Variants in SLC15A2 observed in about 807,000 individuals in gnomAD.
SLC15A2 encodes the protein solute carrier family 15 member 2.
A neutral mutation model predicts 95.5 loss-of-function variants in SLC15A2; 77 were observed. That is an observed-to-expected ratio of 0.81 (90% CI 0.67 to 0.97). The LOEUF is 0.97. SLC15A2 is among the 50% of genes least tolerant of loss of function. The probability of loss-of-function intolerance (pLI) is 0.00; values close to 1 mark genes in which losing one functional copy is unlikely to be tolerated. For missense variants in SLC15A2, 893 were observed against 874.4 expected (o/e 1.02, Z -0.27); for synonymous variants, 306 against 306.9 (o/e 1.00, Z 0.03).
Position 121,939,497 on chromosome 3 carries a change from T to A in SLC15A2, c.1908+2T>A. On this transcript the variant is annotated splice_donor_variant, in intron 20 of 21. Transcript: ENST00000489711. LOFTEE classifies it high-confidence loss of function. ...GGTCTTGAGTTTTCTTATTCTCAGG[T>A]AAGTTTTTGCAAATAGAAGGTAGAA... 6.7e-7 allele frequency: 1 copy of A among 1,491,668 alleles called. No individual in the cohort carries two copies. The highest frequency in any genetic ancestry group is 8.9e-7 in the Non-Finnish European group (1 of 1,119,826). The allele number at this position is 1,491,668 out of a possible 1,614,324, so 92.4% of individuals were successfully genotyped here. A position where few individuals can be genotyped will look rare whatever the true frequency, so the allele number is the denominator to read the frequency against.
chr3:121,906,894 C>T (rs1396521196), intron 3 of SLC15A2, among the ~76,000 whole-genome samples: 1 of 152,108 alleles, frequency 6.6e-6, no homozygotes, highest in Non-Finnish European at 1.5e-5. Flanking sequence ...TGAATGTTGG[C>T]CTGCCTTGCT....
intron 19 of SLC15A2, among the ~76,000 whole-genome samples, chr3:121,934,496 TTCC>T: frequency 6.6e-6 from 1 of 151,930 alleles, no homozygotes; most frequent in East Asian, 1.9e-4. Flanking sequence ...GTAAGTTGGA[TTCC>T]TAGGTATTTT....
At chr3:121,918,396 A>G (rs762541280) in intron 7 of SLC15A2, among the ~76,000 whole-genome samples, 3 of 152,192 alleles carry the variant, frequency 2.0e-5, no homozygotes, top group African/African-American at 7.2e-5. Flanking sequence ...TGCATTTTAT[A>G]TGTTCTTGGA....
chr3:121,927,887 C>A, intron 14 of SLC15A2, 48 bp downstream of exon 14: 2 of 1,392,588 alleles, frequency 1.4e-6, no homozygotes, highest in South Asian at 1.2e-5. Context: ...TCATATCTTT[C>A]TTATTTGCTC....
At chr3:121,919,675 G>T (rs1709967879) in intron 7 of SLC15A2, among the ~76,000 whole-genome samples, 1 of 152,198 alleles carries the variant, frequency 6.6e-6, no homozygotes, top group Non-Finnish European at 1.5e-5. Flanking sequence ...TGGCTTGAAG[G>T]TCGGGTTTCA....
At position 121,913,106 on chromosome 3, in the gene SLC15A2, T is replaced by C. The variant is rs1418850100; in HGVS notation, c.514T>C (p.Phe172Leu). 6.2e-7 allele frequency: 1 copy of C among 1,613,060 alleles called. No individual in the cohort carries two copies. The highest frequency in any genetic ancestry group is 1.3e-5 in the African/African-American group (1 of 74,884). The change falls in exon 5 of 22, where the codon TTT becomes CTT. Residue 172 changes from phenylalanine to leucine, a missense_variant. Coordinates refer to ENST00000489711, the MANE Select transcript of SLC15A2 (RefSeq NM_021082.4). Reference sequence around the variant, plus strand: ...TGTGGCAGCTTTTGGTGGAGACCAGTTTGAAGAAAAACATGTAAGAATCCT... The same window carrying C: ...TGTGGCAGCTTTTGGTGGAGACCAGCTTGAAGAAAAACATGTAAGAATCCT... ...PCVAAFGGDQ[F>L]EEKHAEERTR...
chr3:121,898,584 A>G (rs892006326), intron 3 of SLC15A2, among the ~76,000 whole-genome samples: 1 of 152,226 alleles, frequency 6.6e-6, no homozygotes, highest in African/African-American at 2.4e-5. Context: ...ATAAAATATA[A>G]TAAGTTATGT....
chr3:121,930,815 A>G (rs373594864), intron 17 of SLC15A2, 25 bp from the exon 18 acceptor site: 20 of 1,450,208 alleles, frequency 1.4e-5, no homozygotes, highest in Non-Finnish European at 1.7e-5. Flanking sequence ...TTTGTTTGAT[A>G]TGTAAATAAT....
chr3:121,939,493 C>G lies in SLC15A2; in HGVS notation c.1906C>G (p.Gln636Glu), dbSNP rs760804182. Residue 636 changes from glutamine (Q) to glutamate (E), a missense_variant and splice_region_variant, in exon 20 of 22, where the codon CAG (glutamine) becomes GAG (glutamate). Coordinates refer to ENST00000489711, the MANE Select transcript of SLC15A2 (RefSeq NM_021082.4). ...SVTGLEFSYS[Q>E]APSSMKSVLQ... is the part of the protein sequence containing the mutation. ...CACAGGTCTTGAGTTTTCTTATTCT[C>G]AGGTAAGTTTTTGCAAATAGAAGGT... 6 of 1,494,186 alleles carry G rather than the reference C, an allele frequency of 4.0e-6. No homozygotes were observed. In the African/African-American group the frequency reaches 8.6e-5, roughly 21 times the overall value. 92.6% of individuals were successfully genotyped at this position (1,494,186 alleles called of 1,614,324 possible).
chr3:121,936,651 T>C (rs1373774870), intron 19 of SLC15A2, among the ~76,000 whole-genome samples: 4 of 151,914 alleles, frequency 2.6e-5, no homozygotes, highest in Admixed American at 6.6e-5. Context: ...TTTGAGCCTA[T>C]GTGTGTCTCT....
intron 5 of SLC15A2, chr3:121,914,924 CATTAAT>C: frequency 1.2e-5 from 10 of 841,556 alleles, no homozygotes; most frequent in Non-Finnish European, 1.5e-5. Flanking sequence ...AATGCAAAGA[CATTAAT>C]ATTAGAATAG....
At chr3:121,897,630 T>A in intron 3 of SLC15A2, 101 bp downstream of exon 3, 1 of 1,177,682 alleles carries the variant, frequency 8.5e-7, no homozygotes, top group South Asian at 1.5e-5. Flanking sequence ...ACCTATGTCA[T>A]GCGTGAAAAA....
chr3:121,910,417 G>C (rs781461114), intron 3 of SLC15A2, among the ~76,000 whole-genome samples: 1 of 151,918 alleles, frequency 6.6e-6, no homozygotes, highest in African/African-American at 2.4e-5. Flanking sequence ...GGATGGTCTC[G>C]ATCTCCTGAC....
At chr3:121,931,595 C>T in intron 18 of SLC15A2, 44 bp from the exon 19 acceptor site, 1 of 1,322,210 alleles carries the variant, frequency 7.6e-7, no homozygotes, top group South Asian at 1.2e-5. Context: ...GAATGCTTTT[C>T]CAAGCCTTGA....
In SLC15A2 at chr3:121,896,465, C is replaced by T. The variant is rs184867921; in HGVS notation, c.165C>T (p.Cys55=). 4.2e-5 allele frequency: 68 copies of T among 1,613,992 alleles called. No homozygotes were observed. Among genetic ancestry groups the T allele is most frequent in the African/African-American group, 4.1e-4 (31 of 75,014 alleles). Residue 55 remains cysteine, a synonymous_variant, in exon 2 of 22, where the codon TGC becomes TGT. Transcript: ENST00000489711. ...CCTTCATTGTGGTGAATGAATTCTGCGAGCGCTTTTCCTATTATGGAATGA... is the reference window on the plus strand; with the variant it reads ...CCTTCATTGTGGTGAATGAATTCTGTGAGCGCTTTTCCTATTATGGAATGA... ...SIAFIVVNEF[C]ERFSYYGMKA... is the part of the protein sequence containing the mutation.
chr3:121,940,255 C>A (rs1407264245), intron 20 of SLC15A2, 129 bp from the exon 21 acceptor site: 2 of 639,768 alleles, frequency 3.1e-6, no homozygotes, highest in Non-Finnish European at 5.7e-6. Flanking sequence ...CCCTCTGAAT[C>A]AATGTGATAG....
At position 121,896,465 on chromosome 3, in the gene SLC15A2, C is replaced by G. The variant is rs184867921; in HGVS notation, c.165C>G (p.Cys55Trp). 7 of 1,613,874 alleles carry G rather than the reference C, an allele frequency of 4.3e-6. No individual in the cohort carries two copies. The African/African-American group carries it at 8.0e-5, about 18-fold the overall frequency. The change falls in exon 2 of 22, where the codon TGC (cysteine) becomes TGG (tryptophan). Residue 55 changes from cysteine (C) to tryptophan (W), a missense_variant. By Grantham distance (215) the Cys-to-Trp change is radical. Transcript: ENST00000489711. ...SIAFIVVNEF[C>W]ERFSYYGMKA... Reference sequence around the variant, plus strand: ...CCTTCATTGTGGTGAATGAATTCTGCGAGCGCTTTTCCTATTATGGAATGA... The same window carrying G: ...CCTTCATTGTGGTGAATGAATTCTGGGAGCGCTTTTCCTATTATGGAATGA...
chr3:121,923,093 C>G lies in SLC15A2; in HGVS notation c.921C>G (p.Ile307Met). 6.2e-7 allele frequency: 1 copy of G among 1,614,056 alleles called. No homozygotes were observed. The highest frequency in any genetic ancestry group is 2.2e-5 in the East Asian group (1 of 44,876). Residue 307 changes from isoleucine (I) to methionine (M), a missense_variant, in exon 10 of 22, where the codon ATC becomes ATG. Ile to Met is a conservative substitution (Grantham distance 10, BLOSUM62 1). Transcript: ENST00000489711. ...TGACCAGGGTACTATTCCTTTATAT[C>G]CCATTGCCCATGTTCTGGGCTCTTT... The part of the protein sequence containing the change: ...KALTRVLFLY[I>M]PLPMFWALLD...
chr3:121,930,949 G>C lies in SLC15A2; in HGVS notation c.1663G>C (p.Glu555Gln). 6.3e-7 allele frequency: 1 copy of C among 1,582,142 alleles called. No homozygotes were observed. Among genetic ancestry groups the C allele is most frequent in the Non-Finnish European group, 8.7e-7 (1 of 1,151,306 alleles). The change falls in exon 18 of 22, where the codon GAA (glutamate) becomes CAA (glutamine). Residue 555 changes from glutamate (E) to glutamine (Q), a missense_variant and splice_region_variant. Coordinates refer to ENST00000489711, the MANE Select transcript of SLC15A2 (RefSeq NM_021082.4). ...TGCTTATAGAACTGTGCAAAGAGGA[G>C]AGTAAGTGCATTGCCCCTGTGGACA... ...VSAYRTVQRG[E>Q]YPAVHCRTED...
Sources: allele counts gnomAD v4.1 joint callset (sites outside exome capture counted in the v4.1 genomes callset), GRCh38; gene constraint gnomAD v4.1.1; transcripts MANE v1.5; gene names NCBI Gene and HGNC (gene_info 2026-07-23, HGNC 2026-07-21).